Variants in ANKRD29 observed in about 807,000 individuals in gnomAD.
ANKRD29 encodes ankyrin repeat domain-containing protein 29.
In ANKRD29, 32 loss-of-function variants were observed where a neutral mutation model predicts 38.0. The ratio of observed to expected loss-of-function variants is 0.84; its 90% CI spans 0.64 to 1.13. ANKRD29 has a LOEUF of 1.13. Ranked by LOEUF, ANKRD29 falls within the 50% of genes most tolerant of loss-of-function variation. The probability of loss-of-function intolerance (pLI) is 0.00; values close to 1 mark genes in which losing one functional copy is unlikely to be tolerated. For synonymous variants in ANKRD29, 135 were observed against 152.4 expected (o/e 0.89, Z 0.84); for missense variants, 357 against 377.9 (o/e 0.94, Z 0.46).
At chr18:23,651,626 CA>C (rs1308709851) in intron 1 of ANKRD29, among the ~76,000 whole-genome samples, 2 of 152,190 alleles carry the variant, frequency 1.3e-5, no homozygotes, top group Non-Finnish European at 2.9e-5. Flanking sequence ...GGGACTCTGT[CA>C]TTTCACTTTA....
chr18:23,660,678 G>A (rs534646016), intron 1 of ANKRD29, among the ~76,000 whole-genome samples: 1 of 152,246 alleles, frequency 6.6e-6, no homozygotes, highest in African/African-American at 2.4e-5. Context: ...TTGGTGTCAG[G>A]CACCTGTAAT....
Position 23,634,042 on chromosome 18 carries a change from T to G in ANKRD29, c.429+9A>C. The G allele has an allele frequency of 6.2e-7, 1 of 1,613,922 alleles. No homozygotes were observed. Among genetic ancestry groups the G allele is most frequent in the Non-Finnish European group, 8.5e-7 (1 of 1,179,776 alleles). ...GAAATGTCCTAATGTCCCCCTGAAA[T>G]GCACTCACATAAAGTTGGTCATGGA... On this transcript the variant is annotated intron_variant, in intron 5 of 9. Transcript: ENST00000592179.
intron 5 of ANKRD29, among the ~76,000 whole-genome samples, chr18:23,631,418 A>C (rs1398209629): frequency 6.7e-6 from 1 of 150,096 alleles, no homozygotes; most frequent in Non-Finnish European, 1.5e-5. Context: ...TTTTTTAAAA[A>C]AATTTATAGT....
At chr18:23,601,400 C>T (rs1367111173) in intron 9 of ANKRD29, 91 bp from the exon 10 acceptor site, 4 of 1,007,864 alleles carry the variant, frequency 4.0e-6, no homozygotes, top group Non-Finnish European at 4.6e-6. Flanking sequence ...ACTCTTTCTC[C>T]TTCACTAATG....
At chr18:23,628,833 CA>C (rs60035025) in intron 6 of ANKRD29, among the ~76,000 whole-genome samples, 8,784 of 128,894 alleles carry the variant, frequency 0.068, 416 homozygotes, top group African/African-American at 0.18. Context: ...GACGCTGTCT[CA>C]AAAAAAAAAA....
intron 9 of ANKRD29, among the ~76,000 whole-genome samples, chr18:23,602,507 C>T (rs1189783937): frequency 2.0e-5 from 3 of 152,100 alleles, no homozygotes; most frequent in Non-Finnish European, 4.4e-5. Context: ...TGAACCAGTC[C>T]CTACCATTGA....
rs758199289 is a variant in ANKRD29 at position 23,638,812 on chromosome 18, T to C, written c.330+37A>G. On this transcript the variant is annotated intron_variant, in intron 4 of 9. Coordinates refer to ENST00000592179, the MANE Select transcript of ANKRD29 (RefSeq NM_173505.4). The stretch of plus-strand genomic sequence containing the variant: ...AAGCAATACCCATGGCTGCTGAAAT[T>C]CTTCAACATAATACAAAATCAAGAA... 8.5e-6 allele frequency: 13 copies of C among 1,531,526 alleles called. No individual in the cohort carries two copies. The Middle Eastern group carries it at 6.9e-4, about 81-fold the overall frequency. The allele number at this position is 1,531,526 out of a possible 1,614,324, so 94.9% of individuals were successfully genotyped here.
At chr18:23,616,565 C>CTATATATATATATATAT (rs1568013693) in intron 8 of ANKRD29, among the ~76,000 whole-genome samples, 1 of 138,332 alleles carries the variant, frequency 7.2e-6, no homozygotes, top group Admixed American at 7.6e-5. Flanking sequence ...TATATATATA[C>CTATATATATATATATAT]ACTATATATA....
In ANKRD29 at chr18:23,660,836, T is replaced by C. The variant is rs2060351004; in HGVS notation, c.21+1874A>G. Among the ~76,000 whole-genome samples, 3 of 152,180 alleles carry C rather than the reference T, an allele frequency of 2.0e-5. No homozygotes were observed. The South Asian group carries it at 6.2e-4, about 32-fold the overall frequency. ...AAACAAACAAACTAACAAAAATCTGTTTCTTGCAGAATTTCTTGAAAGAGT... is the reference window on the plus strand; with the variant it reads ...AAACAAACAAACTAACAAAAATCTGCTTCTTGCAGAATTTCTTGAAAGAGT... On this transcript the variant is annotated intron_variant, in intron 1 of 9. Coordinates refer to ENST00000592179, the MANE Select transcript of ANKRD29 (RefSeq NM_173505.4).
chr18:23,661,822 C>A (rs759351125), intron 1 of ANKRD29, among the ~76,000 whole-genome samples: 6 of 152,234 alleles, frequency 3.9e-5, no homozygotes, highest in Non-Finnish European at 8.8e-5. Context: ...CCAGCTCCAA[C>A]CCTCTTCTCC....
intron 7 of ANKRD29, 107 bp from the exon 8 acceptor site, chr18:23,617,934 G>T: frequency 1.2e-6 from 1 of 804,396 alleles, no homozygotes; most frequent in Non-Finnish European, 2.0e-6. Flanking sequence ...CTAATGACGT[G>T]TAAATTAAGC....
At chr18:23,655,328 A>G (rs1264131547) in intron 1 of ANKRD29, among the ~76,000 whole-genome samples, 1 of 152,250 alleles carries the variant, frequency 6.6e-6, no homozygotes, top group African/African-American at 2.4e-5. Flanking sequence ...ATATTAAAAT[A>G]TAGTTCATAA....
Position 23,619,645 on chromosome 18 carries a change from G to A in ANKRD29, c.529-16C>T. On this transcript the variant is annotated splice_polypyrimidine_tract_variant and intron_variant, in intron 6 of 9. Transcript: ENST00000592179. ...CTGTCCCGTCCTGCGGGAAGAGGAG[G>A]CGGCGGCCGCCGTGACTGGGGCGCC... 6.5e-7 allele frequency: 1 copy of A among 1,534,452 alleles called. No homozygotes were observed. Among genetic ancestry groups the A allele is most frequent in the Non-Finnish European group, 8.7e-7 (1 of 1,153,758 alleles).
chr18:23,617,706 T>C (rs1315247734), intron 8 of ANKRD29, 26 bp downstream of exon 8: 27 of 1,587,912 alleles, frequency 1.7e-5, no homozygotes, highest in African/African-American at 2.7e-5. Flanking sequence ...TCTTACAGAT[T>C]AGTAAAATTT....
chr18:23,608,981 C>G (rs1443620118), intron 9 of ANKRD29, among the ~76,000 whole-genome samples: 1 of 152,076 alleles, frequency 6.6e-6, no homozygotes, highest in African/African-American at 2.4e-5. Flanking sequence ...GTAATCCCAG[C>G]TACTCGGAAG....
chr18:23,610,979 G>A (rs1404054827), intron 9 of ANKRD29, among the ~76,000 whole-genome samples: 2 of 152,260 alleles, frequency 1.3e-5, no homozygotes, highest in South Asian at 2.1e-4. Flanking sequence ...TGCGCCTGGC[G>A]CATGCATTCT....
chr18:23,657,181 G>A (rs2060295443), intron 1 of ANKRD29, among the ~76,000 whole-genome samples: 1 of 152,194 alleles, frequency 6.6e-6, no homozygotes, highest in Non-Finnish European at 1.5e-5. Flanking sequence ...GGAAAACGTT[G>A]GCACCTGGCT....
intron 9 of ANKRD29, among the ~76,000 whole-genome samples, chr18:23,607,337 G>A (rs1221717184): frequency 1.3e-5 from 2 of 152,168 alleles, no homozygotes; most frequent in African/African-American, 4.8e-5. Context: ...GCAGAGAAAT[G>A]CTCCTGGTAA....
Position 23,601,066 on chromosome 18 carries a change from T to A in ANKRD29, c.*160A>T. 1 of 625,358 alleles carries A rather than the reference T, an allele frequency of 1.6e-6. No individual in the cohort carries two copies. The highest frequency in any genetic ancestry group is 2.7e-6 in the Non-Finnish European group (1 of 365,312). 38.7% of individuals were successfully genotyped at this position (625,358 alleles called of 1,614,324 possible). ...TCCCTGAGCTGTTTGGTTCTTGACTTCGTGCACAGAGCGTAGCTCTTCTTT... is the reference window on the plus strand; with the variant it reads ...TCCCTGAGCTGTTTGGTTCTTGACTACGTGCACAGAGCGTAGCTCTTCTTT... On this transcript the variant is annotated 3_prime_UTR_variant, in exon 10 of 10. Transcript: ENST00000592179.
Sources: gnomAD v4.1 joint callset for allele counts (sites outside exome capture counted in the v4.1 genomes callset) on GRCh38, gnomAD v4.1.1 for gene constraint, MANE v1.5 for transcripts, NCBI Gene and HGNC (gene_info 2026-07-23, HGNC 2026-07-21) for gene names.